Variants in DLG2 observed in about 807,000 individuals in gnomAD.
The protein encoded by DLG2 is discs large MAGUK scaffold protein 2.
Under a neutral mutation model 132.5 loss-of-function variants are expected in DLG2, and 45 were observed. The ratio of observed to expected loss-of-function variants is 0.34; its 90% CI spans 0.27 to 0.44. The LOEUF (loss-of-function observed/expected upper bound fraction) is 0.44. Ranked by LOEUF, DLG2 falls within the 20% of genes least tolerant of loss-of-function variation. The probability of loss-of-function intolerance (pLI) is 1.00; values close to 1 mark genes in which losing one functional copy is unlikely to be tolerated. For missense variants in DLG2, 1,045 were observed against 1,196.9 expected (o/e 0.87, Z 1.87); for synonymous variants, 424 against 419.6 (o/e 1.01, Z -0.13).
chr11:84,708,724 C>G (rs187903044), intron 6 of DLG2, among the ~76,000 whole-genome samples: 303 of 151,932 alleles, frequency 2.0e-3, no homozygotes, highest in Non-Finnish European at 3.3e-3. Flanking sequence ...TTTCTTTCCT[C>G]TGGCTTGAGA....
At chr11:85,340,656 A>T (rs573957187) in intron 3 of DLG2, among the ~76,000 whole-genome samples, 1 of 152,244 alleles carries the variant, frequency 6.6e-6, no homozygotes, top group Non-Finnish European at 1.5e-5. Context: ...AAAAGGTAAA[A>T]TTTTTTTAAA....
At chr11:83,820,026 A>G (rs899026168) in intron 17 of DLG2, among the ~76,000 whole-genome samples, 5 of 152,208 alleles carry the variant, frequency 3.3e-5, no homozygotes, top group African/African-American at 9.6e-5. Context: ...TATTTTAAAA[A>G]GCTATCATTA....
chr11:83,897,037 G>A (rs1377361291), intron 15 of DLG2, among the ~76,000 whole-genome samples: 1 of 152,018 alleles, frequency 6.6e-6, no homozygotes, highest in African/African-American at 2.4e-5. Flanking sequence ...AATAGATGCT[G>A]GTCACCTGAT....
chr11:84,738,663 C>T (rs2064185396), intron 6 of DLG2, among the ~76,000 whole-genome samples: 1 of 152,066 alleles, frequency 6.6e-6, no homozygotes, highest in South Asian at 2.1e-4. Flanking sequence ...AACTGAAACT[C>T]CCCTACATTG....
At chr11:84,400,151 GC>G (rs2098824613) in intron 7 of DLG2, among the ~76,000 whole-genome samples, 1 of 152,152 alleles carries the variant, frequency 6.6e-6, no homozygotes, top group African/African-American at 2.4e-5. Flanking sequence ...AAAAATATAA[GC>G]CCCCAGTTAG....
chr11:85,197,686 C>T (rs943017648), intron 4 of DLG2, among the ~76,000 whole-genome samples: 1 of 152,052 alleles, frequency 6.6e-6, no homozygotes, highest in Non-Finnish European at 1.5e-5. Flanking sequence ...AGATAAAATA[C>T]CATACCACAA....
At chr11:84,536,540 G>A (rs1315438228) in intron 6 of DLG2, among the ~76,000 whole-genome samples, 3 of 152,116 alleles carry the variant, frequency 2.0e-5, no homozygotes, top group Non-Finnish European at 4.4e-5. Context: ...TCAGAAACAT[G>A]GATCAAATTT....
intron 7 of DLG2, among the ~76,000 whole-genome samples, chr11:84,346,599 A>G (rs1394090704): frequency 2.0e-5 from 3 of 151,992 alleles, no homozygotes; most frequent in Non-Finnish European, 4.4e-5. Context: ...TTTGTTTTGA[A>G]ATGGAGTCTT....
intron 4 of DLG2, among the ~76,000 whole-genome samples, chr11:85,207,624 G>T (rs954007303): frequency 6.6e-6 from 1 of 152,082 alleles, no homozygotes; most frequent in African/African-American, 2.4e-5. Flanking sequence ...TTATTTAAAT[G>T]AGTCAATTTT....
intron 7 of DLG2, among the ~76,000 whole-genome samples, chr11:84,373,862 C>G (rs1291022807): frequency 1.3e-5 from 2 of 152,028 alleles, no homozygotes; most frequent in African/African-American, 4.8e-5. Context: ...TAATGAAGAT[C>G]AAAGGTAACA....
rs750732908 is a variant in DLG2 at position 84,414,024 on chromosome 11, CTT to C, written c.519+120544_519+120545del. ...AGCCAATTCGACAAAACACCCATCT[CTT>C]ATATATGCAGAAAACAATTATATGC... is the stretch of plus-strand genomic sequence containing the variant. On this transcript the variant is annotated intron_variant, in intron 7 of 27. Transcript: ENST00000376104. Among the ~76,000 whole-genome samples the C allele has an allele frequency of 3.9e-5, 6 of 152,270 alleles. No individual in the cohort carries two copies. The East Asian group carries it at 1.2e-3, about 29-fold the overall frequency.
chr11:83,590,990 C>A (rs1400898688), intron 19 of DLG2, among the ~76,000 whole-genome samples: 1 of 151,910 alleles, frequency 6.6e-6, no homozygotes, highest in Non-Finnish European at 1.5e-5. Flanking sequence ...GAAATTGTGG[C>A]AATAATCAAT....
At chr11:85,076,909 C>T (rs1178493928) in intron 6 of DLG2, among the ~76,000 whole-genome samples, 1 of 152,014 alleles carries the variant, frequency 6.6e-6, no homozygotes, top group East Asian at 1.9e-4. Flanking sequence ...CAGACATGAC[C>T]TTGTCCTCAG....
chr11:84,052,430 A>G (rs1350175968), intron 11 of DLG2, among the ~76,000 whole-genome samples: 5 of 151,930 alleles, frequency 3.3e-5, no homozygotes, highest in African/African-American at 1.2e-4. Context: ...ACCTCCCCCA[A>G]ATTTTTTTAA....
At chr11:84,609,990 T>C (rs1156569913) in intron 6 of DLG2, among the ~76,000 whole-genome samples, 1 of 152,172 alleles carries the variant, frequency 6.6e-6, no homozygotes, top group Non-Finnish European at 1.5e-5. Context: ...ACCCAACAAT[T>C]CCACATTTAT....
At chr11:84,909,417 A>G (rs968442279) in intron 6 of DLG2, among the ~76,000 whole-genome samples, 3 of 152,148 alleles carry the variant, frequency 2.0e-5, no homozygotes, top group Non-Finnish European at 4.4e-5. Flanking sequence ...TTGCTATGTG[A>G]CTTTGGGTAT....
chr11:84,769,488 G>A (rs1483209075), intron 6 of DLG2, among the ~76,000 whole-genome samples: 3 of 152,074 alleles, frequency 2.0e-5, no homozygotes, highest in Non-Finnish European at 4.4e-5. Context: ...TATTTAAAGT[G>A]ACCAAATATA....
At chr11:83,600,980 C>T (rs961244358) in intron 19 of DLG2, among the ~76,000 whole-genome samples, 1 of 152,178 alleles carries the variant, frequency 6.6e-6, no homozygotes, top group African/African-American at 2.4e-5. Context: ...TATTTACTAT[C>T]CTTGGTAGAA....
intron 6 of DLG2, among the ~76,000 whole-genome samples, chr11:84,993,182 C>T (rs1486431075): frequency 6.6e-6 from 1 of 152,110 alleles, no homozygotes; most frequent in Non-Finnish European, 1.5e-5. Context: ...AAATACCACA[C>T]ATTCTCACTC....
Sources: allele counts gnomAD v4.1 joint callset (sites outside exome capture counted in the v4.1 genomes callset), GRCh38; gene constraint gnomAD v4.1.1; transcripts MANE v1.5; gene names NCBI Gene and HGNC (gene_info 2026-07-23, HGNC 2026-07-21).